FBXW5: variants seen among roughly 807,000 people sequenced by gnomAD.
FBXW5 encodes F-box and WD repeat domain containing 5, also known as F-box/WD repeat-containing protein 5.
A neutral mutation model predicts 50.9 loss-of-function variants in FBXW5; 74 were observed. The observed-to-expected ratio is 1.45, with a 90% confidence interval of 1.20 to 1.76. The LOEUF is 1.76. Ranked by LOEUF, FBXW5 falls within the 40% of genes most tolerant of loss-of-function variation. The probability of loss-of-function intolerance (pLI) is 0.00; values close to 1 mark genes in which losing one functional copy is unlikely to be tolerated. For missense variants in FBXW5, 1,073 were observed against 818.8 expected (o/e 1.31, Z -3.79); for synonymous variants, 523 against 362.2 (o/e 1.44, Z -5.04).
rs770203825 is a variant in FBXW5, at chr9:136,942,743, A to G, written c.526+26T>C. Reference sequence around the variant, plus strand: ...CAGGCTGTCGGCGTGGGGCGGGGGCAGGGTCAACCCGCCGCCCGTGCTCAC... The same window carrying G: ...CAGGCTGTCGGCGTGGGGCGGGGGCGGGGTCAACCCGCCGCCCGTGCTCAC... On this transcript the variant is annotated intron_variant, in intron 4 of 8. Coordinates refer to ENST00000325285, the MANE Select transcript of FBXW5 (RefSeq NM_018998.4). 5 of 1,610,496 alleles carry G rather than the reference A, an allele frequency of 3.1e-6. No homozygotes were observed. In the East Asian group the frequency reaches 6.7e-5, roughly 22 times the overall value.
chr9:136,944,565 G>T (rs548708683), intron 1 of FBXW5, 29 bp downstream of exon 1: 3 of 983,666 alleles, frequency 3.0e-6, no homozygotes, highest in South Asian at 4.7e-5. Flanking sequence ...CGACAAGGCG[G>T]GACCCCCGAG....
intron 2 of FBXW5, among the ~76,000 whole-genome samples, 166 bp from the exon 3 acceptor site, chr9:136,943,672 C>T (rs561939155): frequency 4.6e-5 from 7 of 152,178 alleles, no homozygotes; most frequent in East Asian, 1.9e-4. Context: ...TCACAGAGAC[C>T]CCTGTACCCC....
At chr9:136,943,577 C>T (rs1588462876) in intron 2 of FBXW5, 71 bp from the exon 3 acceptor site, 1 of 1,530,936 alleles carries the variant, frequency 6.5e-7, no homozygotes, top group Non-Finnish European at 8.8e-7. Flanking sequence ...CGAGTGTGGC[C>T]CCAGCAGTCC....
intron 6 of FBXW5, 27 bp from the exon 7 acceptor site, chr9:136,941,711 C>T (rs781447149): frequency 1.2e-5 from 18 of 1,541,640 alleles, no homozygotes; most frequent in Non-Finnish European, 1.6e-5. Flanking sequence ...GGTGAGGGTC[C>T]CTGTCCAATG....
rs75429298 is a variant in FBXW5 at position 136,943,259 on chromosome 9, C to A, written c.351+90G>T. On this transcript the variant is annotated intron_variant, in intron 3 of 8. Coordinates refer to ENST00000325285, the MANE Select transcript of FBXW5 (RefSeq NM_018998.4). ...CTCTGGCCTGACCCACCCCCCCCCC[C>A]ACCACCACCTGGTTGGAACGCCTGG... 67 of 1,228,254 alleles carry A rather than the reference C, an allele frequency of 5.5e-5. 1 individual carries two copies. The East Asian group carries it at 7.5e-4, about 14-fold the overall frequency. 76.1% of individuals were successfully genotyped at this position (1,228,254 alleles called of 1,614,324 possible).
chr9:136,944,729 G>A lies in FBXW5; in HGVS notation c.-159C>T, dbSNP rs935597160. ...CCGACGCCACGAGCCCCGAGGCATC[G>A]ATGGCCGAGGAAGGCAGAGCGCGCG... On this transcript the variant is annotated 5_prime_UTR_variant, in exon 1 of 9. Coordinates refer to ENST00000325285, the MANE Select transcript of FBXW5 (RefSeq NM_018998.4). 5.1e-6 allele frequency: 5 copies of A among 985,488 alleles called. No individual in the cohort carries two copies. The highest frequency in any genetic ancestry group is 6.1e-5 in the Admixed American group (1 of 16,266). 61.0% of individuals were successfully genotyped at this position (985,488 alleles called of 1,614,324 possible).
Position 136,942,788 on chromosome 9 carries a change from C to T in FBXW5, c.507G>A (p.Glu169=). 1.2e-6 allele frequency: 2 copies of T among 1,612,902 alleles called. No individual in the cohort carries two copies. The highest frequency in any genetic ancestry group is 1.7e-6 in the Non-Finnish European group (2 of 1,179,884). ...FLGPHNSSSG[E]IAVISLDSFA... The stretch of plus-strand genomic sequence containing the variant: ...GCTCACCTAGGCTGATGACAGCAAT[C>T]TCGCCGGATGAGGAGTTGTGCGGCC... Residue 169 remains glutamate, a synonymous_variant, in exon 4 of 9, where the codon GAG becomes GAA. Coordinates refer to ENST00000325285, the MANE Select transcript of FBXW5 (RefSeq NM_018998.4).
chr9:136,943,633 G>T, intron 2 of FBXW5, 127 bp from the exon 3 acceptor site: 1 of 1,315,016 alleles, frequency 7.6e-7, no homozygotes, highest in Non-Finnish European at 1.0e-6. Flanking sequence ...CATGGCATAG[G>T]CCTCGGCTGG....
intron 1 of FBXW5, 182 bp from the exon 2 acceptor site, chr9:136,944,288 C>G: frequency 1.4e-6 from 1 of 708,836 alleles, no homozygotes; most frequent in Non-Finnish European, 2.0e-6. Context: ...CGGGCCGGCC[C>G]CTCTCCGCCG....
rs1850814657 is a variant in FBXW5 at position 136,942,399 on chromosome 9, G to A, written c.743C>T (p.Thr248Ile). 2 of 1,609,942 alleles carry A rather than the reference G, an allele frequency of 1.2e-6. No individual in the cohort carries two copies. Among genetic ancestry groups the A allele is most frequent in the East Asian group, 2.2e-5 (1 of 44,790 alleles). ...LFKIQNLNAS[T>I]VRTVMVADCS... is the part of the protein sequence containing the mutation. ...GTCGGCCACCATCACCGTGCGGACG[G>A]TGCTGGCATTGAGGTTCTGGATCTT... The change falls in exon 6 of 9, where the codon ACC becomes ATC. Residue 248 changes from threonine (T) to isoleucine (I), a missense_variant. By Grantham distance (89) the Thr-to-Ile change is moderately conservative (BLOSUM62 -1). Transcript: ENST00000325285.
Position 136,942,097 on chromosome 9 carries a change from T to C in FBXW5, c.1045A>G (p.Lys349Glu). ...PERSATGAKS[K>E]YLIFTTGCLT... is the part of the protein sequence containing the mutation. ...CAGCCAGTGGTGAAGATGAGGTACTTGCTCTTGGCGCCTGTGGCACTGCGC... is the reference window on the plus strand; with the variant it reads ...CAGCCAGTGGTGAAGATGAGGTACTCGCTCTTGGCGCCTGTGGCACTGCGC... The change falls in exon 6 of 9, where the codon AAG becomes GAG. Residue 349 changes from lysine to glutamate, a missense_variant. Physicochemically the swap from Lys to Glu is moderately conservative, Grantham distance 56. Coordinates refer to ENST00000325285, the MANE Select transcript of FBXW5 (RefSeq NM_018998.4). 6 of 1,612,896 alleles carry C rather than the reference T, an allele frequency of 3.7e-6. No homozygotes were observed. In the Middle Eastern group the frequency reaches 9.9e-4, roughly 266 times the overall value.
At position 136,942,691 on chromosome 9, in the gene FBXW5, G is replaced by A; in HGVS notation, c.531C>T (p.Ser177=). Residue 177 remains serine, a synonymous_variant, in exon 5 of 9, where the codon TCC becomes TCT. Transcript: ENST00000325285. ...TCCGCACGCGGGACAGCAGCGCGAA[G>A]GAGTCTGTGGGGAGGCCGGGGCTGG... ...SGEIAVISLD[S]FALLSRVRNK... 3.1e-6 allele frequency: 5 copies of A among 1,611,148 alleles called. No individual in the cohort carries two copies. The highest frequency in any genetic ancestry group is 1.1e-5 in the South Asian group (1 of 90,866).
At chr9:136,943,800 C>T in intron 2 of FBXW5, 91 bp downstream of exon 2, 1 of 1,371,048 alleles carries the variant, frequency 7.3e-7, no homozygotes, top group Non-Finnish European at 9.9e-7. Flanking sequence ...CGCGGGGCCG[C>T]GGGGCGGGCC....
intron 1 of FBXW5, 75 bp from the exon 2 acceptor site, chr9:136,944,181 C>A (rs1250818415): frequency 1.4e-6 from 2 of 1,404,068 alleles, no homozygotes; most frequent in Admixed American, 5.1e-5. Context: ...GTTCCTCCAG[C>A]CCCAACCGTC....
intron 1 of FBXW5, 138 bp from the exon 2 acceptor site, chr9:136,944,244 C>T (rs1193639535): frequency 2.0e-6 from 2 of 992,780 alleles, no homozygotes; most frequent in South Asian, 1.9e-5. Context: ...CGGGTACCGC[C>T]GCCCAACCAA....
At chr9:136,941,953 G>A (rs1850787623) in intron 6 of FBXW5, 93 bp downstream of exon 6, 2 of 1,465,020 alleles carry the variant, frequency 1.4e-6, no homozygotes, top group East Asian at 2.5e-5. Context: ...AGCTTTGCCT[G>A]TGGACTTGCT....
At position 136,941,448 on chromosome 9, in the gene FBXW5, G is replaced by A. The variant is rs1471927087; in HGVS notation, c.1260C>T (p.Asn420=). ...LSPDNRYLYV[N]SRAWPNGAVV... The stretch of plus-strand genomic sequence containing the variant: ...CCGCACCGTTGGGCCAGGCGCGGCT[G>A]TTCACGTACAGGTACCTGGGCGAGG... The change falls in exon 8 of 9, where the codon AAC becomes AAT. Residue 420 remains asparagine, a synonymous_variant. Transcript: ENST00000325285. 3 of 1,607,682 alleles carry A rather than the reference G, an allele frequency of 1.9e-6. No homozygotes were observed. Among genetic ancestry groups the A allele is most frequent in the African/African-American group, 1.3e-5 (1 of 74,942 alleles).
chr9:136,940,788 G>T lies in FBXW5; in HGVS notation c.*140C>A. On this transcript the variant is annotated 3_prime_UTR_variant, in exon 9 of 9. Coordinates refer to ENST00000325285, the MANE Select transcript of FBXW5 (RefSeq NM_018998.4). Reference sequence around the variant, plus strand: ...CAGCTGCGTGAGCAGGTTTGTGTGTGAGCGTGTGGCGGGGCCTGGTTGTCC... The same window carrying T: ...CAGCTGCGTGAGCAGGTTTGTGTGTTAGCGTGTGGCGGGGCCTGGTTGTCC... 7.7e-7 allele frequency: 1 copy of T among 1,295,652 alleles called. No individual in the cohort carries two copies. Among genetic ancestry groups the T allele is most frequent in the Non-Finnish European group, 1.0e-6 (1 of 961,944 alleles). 80.3% of individuals were successfully genotyped at this position (1,295,652 alleles called of 1,614,324 possible).
In FBXW5 at chr9:136,941,046, G is replaced by A. The variant is rs545810396; in HGVS notation, c.1583C>T (p.Thr528Met). 2.9e-5 allele frequency: 45 copies of A among 1,555,386 alleles called. No individual in the cohort carries two copies. Among genetic ancestry groups the A allele is most frequent in the African/African-American group, 4.1e-5 (3 of 73,470 alleles). Residue 528 changes from threonine to methionine, a missense_variant, in exon 9 of 9, where the codon ACG becomes ATG. By Grantham distance (81) the Thr-to-Met change is moderately conservative. Transcript: ENST00000325285. ...FSPQEQELLL[T>M]ASDDATIKAW... is the part of the protein sequence containing the mutation. Reference sequence around the variant, plus strand: ...TTTGATGGTGGCGTCGTCGCTGGCCGTGAGCAGCAGCTCCTGCTCCTGGGG... The same window carrying A: ...TTTGATGGTGGCGTCGTCGCTGGCCATGAGCAGCAGCTCCTGCTCCTGGGG...
Sources: allele counts gnomAD v4.1 joint callset (sites outside exome capture counted in the v4.1 genomes callset), GRCh38; gene constraint gnomAD v4.1.1; transcripts MANE v1.5; gene names NCBI Gene and HGNC (gene_info 2026-07-23, HGNC 2026-07-21).